RAD51AP2: variants seen among roughly 807,000 people sequenced by gnomAD.
The protein encoded by RAD51AP2 is RAD51 associated protein 2.
Under a neutral mutation model 85.5 loss-of-function variants are expected in RAD51AP2, and 67 were observed. That is an observed-to-expected ratio of 0.78 (90% CI 0.64 to 0.96). RAD51AP2 has a LOEUF of 0.96. Among genes scored for constraint, RAD51AP2 ranks in the 40% least tolerant of loss-of-function variants. The probability of loss-of-function intolerance (pLI) is 0.00; values close to 1 mark genes in which losing one functional copy is unlikely to be tolerated. For synonymous variants in RAD51AP2, 474 were observed against 446.5 expected (o/e 1.06, Z -0.78); for missense variants, 1,307 against 1,332.4 (o/e 0.98, Z 0.30).
Position 17,516,084 on chromosome 2 carries a change from C to A in RAD51AP2, c.2332G>T (p.Asp778Tyr). Residue 778 changes from aspartate (D) to tyrosine (Y), a missense_variant, in exon 1 of 3, where the codon GAC (aspartate) becomes TAC (tyrosine). This residue lies in a region of RAD51AP2 where 668 missense variants were observed against 671.0 expected (regional missense o/e 1.00). Coordinates refer to ENST00000399080, the MANE Select transcript of RAD51AP2 (RefSeq NM_001099218.3). ...KQGHNKISNFDCEHIFEDLCN... is the reference protein window; with the variant it reads ...KQGHNKISNFYCEHIFEDLCN... ...AGATCTTCAAATATGTGCTCACAGT[C>A]AAAGTTACTGATCTTATTATGTCCC... is the stretch of plus-strand genomic sequence containing the variant. 6.2e-7 allele frequency: 1 copy of A among 1,613,018 alleles called. No individual in the cohort carries two copies. Among genetic ancestry groups the A allele is most frequent in the Non-Finnish European group, 8.5e-7 (1 of 1,179,612 alleles).
intron 2 of RAD51AP2, among the ~76,000 whole-genome samples, chr2:17,512,118 G>C (rs141783408): frequency 9.2e-5 from 14 of 152,120 alleles, no homozygotes; most frequent in African/African-American, 3.4e-4. Flanking sequence ...ACAGAGAGAA[G>C]AGAGAGATGG....
At chr2:17,524,912 C>G in the RAD51AP2 span, among the ~76,000 whole-genome samples, 3 of 151,866 alleles carry the variant, frequency 2.0e-5, no homozygotes, top group African/African-American at 7.2e-5. Context: ...TGAAAAATTC[C>G]TGTAAAACAG....
In RAD51AP2 at chr2:17,517,182, T is replaced by C; in HGVS notation, c.1234A>G (p.Ile412Val). Reference protein sequence around the residue: ...ILRRNRGNCWIINNCKTKCEN... With the variant: ...ILRRNRGNCWVINNCKTKCEN... ...CATTTAGTCTTGCAATTATTTATAA[T>C]CCAACAATTTCCTCTATTTCTTCTC... Residue 412 changes from isoleucine (I) to valine (V), a missense_variant, in exon 1 of 3, where the codon ATT (isoleucine) becomes GTT (valine). Coordinates refer to ENST00000399080, the MANE Select transcript of RAD51AP2 (RefSeq NM_001099218.3). 6.2e-7 allele frequency: 1 copy of C among 1,610,448 alleles called. No individual in the cohort carries two copies. The highest frequency in any genetic ancestry group is 8.5e-7 in the Non-Finnish European group (1 of 1,178,934).
At chr2:17,536,848 G>C in the RAD51AP2 span, among the ~76,000 whole-genome samples, 2 of 152,236 alleles carry the variant, frequency 1.3e-5, no homozygotes, top group South Asian at 4.2e-4. Flanking sequence ...TCATGGTCTT[G>C]CATTTTTTTC....
At chr2:17,535,692 C>T in the RAD51AP2 span, among the ~76,000 whole-genome samples, 1 of 151,974 alleles carries the variant, frequency 6.6e-6, no homozygotes, top group East Asian at 1.9e-4. Flanking sequence ...TGCTAGGCAG[C>T]ACAGGGGGAA....
rs760631442 is a variant in RAD51AP2 at position 17,517,509 on chromosome 2, G to A, written c.907C>T (p.Pro303Ser). 3.1e-6 allele frequency: 5 copies of A among 1,613,552 alleles called. No homozygotes were observed. In the East Asian group the frequency reaches 1.1e-4, roughly 36 times the overall value. ...TGTAACTTTTGCTTCTTAACATCAG[G>A]TCTATTTTGGGACCAGTAAATGTTT... ...FTNIYWSQNR[P>S]DVKKQKLQND... is the part of the protein sequence containing the mutation. The change falls in exon 1 of 3, where the codon CCT becomes TCT. Residue 303 changes from proline (P) to serine (S), a missense_variant. By Grantham distance (74) the Pro-to-Ser change is moderately conservative (BLOSUM62 -1). This residue lies in a region of RAD51AP2 where 635 missense variants were observed against 643.6 expected (regional missense o/e 0.99). Coordinates refer to ENST00000399080, the MANE Select transcript of RAD51AP2 (RefSeq NM_001099218.3).
Position 17,515,986 on chromosome 2 carries a change from A to G in RAD51AP2, c.2430T>C (p.Ser810=). ...TCCAAAAATTTAGTACTTGAGTTATAGAAGTGGTATGGGTCTCTTCATTAT... is the reference window on the plus strand; with the variant it reads ...TCCAAAAATTTAGTACTTGAGTTATGGAAGTGGTATGGGTCTCTTCATTAT... ...IIHNEETHTT[S]ITQVLNFWNL... The change falls in exon 1 of 3, where the codon TCT becomes TCC. Residue 810 remains serine (S), a synonymous_variant. Transcript: ENST00000399080. The G allele has an allele frequency of 3.1e-6, 5 of 1,612,906 alleles. No individual in the cohort carries two copies. Among genetic ancestry groups the G allele is most frequent in the African/African-American group, 1.3e-5 (1 of 74,976 alleles).
chr2:17,518,636 C>G (rs1360071034), upstream of RAD51AP2, among the ~76,000 whole-genome samples: 1 of 151,278 alleles, frequency 6.6e-6, no homozygotes, highest in African/African-American at 2.4e-5. Flanking sequence ...CCCACGCGCC[C>G]CGGTTGTCTC....
In RAD51AP2 at chr2:17,515,607, C is replaced by T. The variant is rs1422741411; in HGVS notation, c.2809G>A (p.Glu937Lys). Residue 937 changes from glutamate to lysine, a missense_variant, in exon 1 of 3, where the codon GAA becomes AAA. Coordinates refer to ENST00000399080, the MANE Select transcript of RAD51AP2 (RefSeq NM_001099218.3). ...INHQFETGLS[E>K]GNDECFQDLA... Reference sequence around the variant, plus strand: ...TCCTGAAAACATTCATCATTCCCTTCACTCAGACCAGTTTCAAATTGATGA... The same window carrying T: ...TCCTGAAAACATTCATCATTCCCTTTACTCAGACCAGTTTCAAATTGATGA... 5 of 1,610,644 alleles carry T rather than the reference C, an allele frequency of 3.1e-6. No homozygotes were observed. The East Asian group carries it at 6.7e-5, about 22-fold the overall frequency.
chr2:17,535,935 CAAA>C, the RAD51AP2 span, among the ~76,000 whole-genome samples: 5 of 57,222 alleles, frequency 8.7e-5, no homozygotes, highest in South Asian at 8.2e-4. Flanking sequence ...GTAAGAACAC[CAAA>C]AAAAAAAAAA....
In RAD51AP2 at chr2:17,515,535, C is replaced by G; in HGVS notation, c.2881G>C (p.Asp961His). The G allele has an allele frequency of 6.2e-7, 1 of 1,608,652 alleles. No homozygotes were observed. The highest frequency in any genetic ancestry group is 2.2e-5 in the East Asian group (1 of 44,790). The change falls in exon 1 of 3, where the codon GAT becomes CAT. Residue 961 changes from aspartate (D) to histidine (H), a missense_variant. This residue lies in a region of RAD51AP2 where 668 missense variants were observed against 671.0 expected (regional missense o/e 1.00). Coordinates refer to ENST00000399080, the MANE Select transcript of RAD51AP2 (RefSeq NM_001099218.3). Reference protein sequence around the residue: ...LSTEALTIVKDFEMKRKFDLV... With the variant: ...LSTEALTIVKHFEMKRKFDLV... ...TCAAATTTTCTCTTCATCTCAAAAT[C>G]TTTTACTATTGTCAGAGCTTCTGTT...
In RAD51AP2 at chr2:17,515,210, C is replaced by T. The variant is rs761694339; in HGVS notation, c.3206G>A (p.Ser1069Asn). ...GTAAAGTAATTCTTCCTCTGATCTA[C>T]TTGGATAACAACTCTCATTAGGAAC... ...QEVPNESCYP[S>N]RSEEELLYST... is the part of the protein sequence containing the mutation. The change falls in exon 1 of 3, where the codon AGT becomes AAT. Residue 1069 changes from serine to asparagine, a missense_variant. By Grantham distance (46) the Ser-to-Asn change is conservative (BLOSUM62 1). Coordinates refer to ENST00000399080, the MANE Select transcript of RAD51AP2 (RefSeq NM_001099218.3). 4.4e-6 allele frequency: 7 copies of T among 1,599,836 alleles called. No individual in the cohort carries two copies. The South Asian group carries it at 8.0e-5, about 18-fold the overall frequency.
At chr2:17,535,511 G>A in the RAD51AP2 span, among the ~76,000 whole-genome samples, 1 of 151,908 alleles carries the variant, frequency 6.6e-6, no homozygotes, top group Non-Finnish European at 1.5e-5. Flanking sequence ...GAGATGATGA[G>A]AGGCTGAACT....
At chr2:17,521,567 A>G (rs1662856882), upstream of RAD51AP2, among the ~76,000 whole-genome samples, 1 of 152,114 alleles carries the variant, frequency 6.6e-6, no homozygotes, top group Non-Finnish European at 1.5e-5. Flanking sequence ...ATCACTTACT[A>G]AAAATATTTA....
At position 17,515,246 on chromosome 2, in the gene RAD51AP2, C is replaced by T. The variant is rs752914486; in HGVS notation, c.3170G>A (p.Gly1057Glu). The T allele has an allele frequency of 1.9e-6, 3 of 1,612,764 alleles. No homozygotes were observed. The South Asian group carries it at 3.3e-5, about 18-fold the overall frequency. Reference sequence around the variant, plus strand: ...ACTCTCATTAGGAACTTCCTGTTCTCCATTATTGGGTACAGTTTTCCATTT... The same window carrying T: ...ACTCTCATTAGGAACTTCCTGTTCTTCATTATTGGGTACAGTTTTCCATTT... ...LFKWKTVPNN[G>E]EQEVPNESCY... The change falls in exon 1 of 3, where the codon GGA (glycine) becomes GAA (glutamate). Residue 1057 changes from glycine (G) to glutamate (E), a missense_variant. By Grantham distance (98) the Gly-to-Glu change is moderately conservative (BLOSUM62 -2). Coordinates refer to ENST00000399080, the MANE Select transcript of RAD51AP2 (RefSeq NM_001099218.3).
At chr2:17,521,353 C>T (rs998441349), upstream of RAD51AP2, among the ~76,000 whole-genome samples, 2 of 152,062 alleles carry the variant, frequency 1.3e-5, no homozygotes, top group Non-Finnish European at 2.9e-5. Flanking sequence ...GTGGTTTTAG[C>T]ATCATTTGTG....
At chr2:17,530,784 T>C in the RAD51AP2 span, among the ~76,000 whole-genome samples, 1 of 152,130 alleles carries the variant, frequency 6.6e-6, no homozygotes, top group Non-Finnish European at 1.5e-5. Context: ...TCAATCTATT[T>C]AGAAGTCTTA....
chr2:17,512,215 C>T (rs1437412078), intron 2 of RAD51AP2, among the ~76,000 whole-genome samples: 4 of 152,068 alleles, frequency 2.6e-5, no homozygotes, highest in Non-Finnish European at 5.9e-5. Flanking sequence ...GGGTGGGTAT[C>T]AAAACTTTTC....
At position 17,516,196 on chromosome 2, in the gene RAD51AP2, T is replaced by G. The variant is rs766588049; in HGVS notation, c.2220A>C (p.Gln740His). The change falls in exon 1 of 3, where the codon CAA (glutamine) becomes CAC (histidine). Residue 740 changes from glutamine (Q) to histidine (H), a missense_variant. Around this residue, in one of 3 missense-constraint regions of RAD51AP2, gnomAD observed 668 missense variants for 671.0 expected, o/e 1.00. Coordinates refer to ENST00000399080, the MANE Select transcript of RAD51AP2 (RefSeq NM_001099218.3). ...TVKAHGNSCPQFIQNNRGYIN... is the reference protein window; with the variant it reads ...TVKAHGNSCPHFIQNNRGYIN... Reference sequence around the variant, plus strand: ...TGTATCCTCGGTTGTTCTGTATAAATTGAGGACAAGAATTACCATGTGCTT... The same window carrying G: ...TGTATCCTCGGTTGTTCTGTATAAAGTGAGGACAAGAATTACCATGTGCTT... 6.2e-7 allele frequency: 1 copy of G among 1,613,274 alleles called. No homozygotes were observed. The highest frequency in any genetic ancestry group is 8.5e-7 in the Non-Finnish European group (1 of 1,179,648).
Sources: allele counts gnomAD v4.1 joint callset (sites outside exome capture counted in the v4.1 genomes callset), GRCh38; gene constraint gnomAD v4.1.1; regional missense constraint gnomAD v4.1.1; transcripts MANE v1.5; gene names NCBI Gene and HGNC (gene_info 2026-07-23, HGNC 2026-07-21).